HORMAD2: variants seen among roughly 807,000 people sequenced by gnomAD.
HORMAD2 encodes HORMA domain containing 2, also known as HORMA domain-containing protein 2.
HORMAD2 carries 45 observed loss-of-function variants against 38.8 expected under a neutral mutation model. That is an observed-to-expected ratio of 1.16 (90% confidence interval 0.91 to 1.49). The LOEUF (loss-of-function observed/expected upper bound fraction) is 1.49. Ranked by LOEUF, HORMAD2 falls within the 40% of genes most tolerant of loss-of-function variation. The probability of loss-of-function intolerance (pLI) is 0.00; values close to 1 mark genes in which losing one functional copy is unlikely to be tolerated. For synonymous variants in HORMAD2, 126 were observed against 122.8 expected (o/e 1.03, Z -0.17); for missense variants, 338 against 367.0 (o/e 0.92, Z 0.65).
chr22:30,080,281 C>A (rs370468943), upstream of HORMAD2: 1 of 152,416 alleles, frequency 6.6e-6, no homozygotes, highest in Non-Finnish European at 1.5e-5. Flanking sequence ...GGCTAGGGGC[C>A]GGCTAGCCGC....
downstream of HORMAD2, among the ~76,000 whole-genome samples, chr22:30,178,435 GGAA>G (rs1926571577): frequency 6.6e-6 from 1 of 152,214 alleles, no homozygotes. Flanking sequence ...GGGCACACAC[GGAA>G]GGAGATCTGT....
the HORMAD2 span, among the ~76,000 whole-genome samples, chr22:30,194,533 A>G: frequency 6.6e-6 from 1 of 152,234 alleles, no homozygotes; most frequent in Admixed American, 6.5e-5. Context: ...GAAAAAGGCC[A>G]GATTACTTTG....
chr22:30,151,862 G>A (rs1200775555), intron 10 of HORMAD2, among the ~76,000 whole-genome samples: 1 of 152,180 alleles, frequency 6.6e-6, no homozygotes, highest in African/African-American at 2.4e-5. Context: ...GATGCTTTGT[G>A]TCATTATCCT....
intron 10 of HORMAD2, among the ~76,000 whole-genome samples, chr22:30,166,531 A>G (rs1006700146): frequency 2.0e-5 from 3 of 152,242 alleles, no homozygotes; most frequent in African/African-American, 7.2e-5. Flanking sequence ...GTATGAATAA[A>G]TGTGTAACTG....
chr22:30,163,899 G>T (rs1213288537), intron 10 of HORMAD2, among the ~76,000 whole-genome samples: 2 of 152,028 alleles, frequency 1.3e-5, no homozygotes, highest in Non-Finnish European at 2.9e-5. Flanking sequence ...ATTTCCAGAA[G>T]TTTCTTCATC....
chr22:30,147,306 G>A (rs1023277021), intron 10 of HORMAD2, among the ~76,000 whole-genome samples: 2 of 152,084 alleles, frequency 1.3e-5, no homozygotes, highest in African/African-American at 4.8e-5. Context: ...AGAATGGAGA[G>A]TTCAGAAGTA....
At chr22:30,139,970 T>C (rs1474460366) in intron 10 of HORMAD2, among the ~76,000 whole-genome samples, 1 of 152,048 alleles carries the variant, frequency 6.6e-6, no homozygotes, top group Non-Finnish European at 1.5e-5. Context: ...TGTGTGTGTG[T>C]GTGTATTTAT....
intron 10 of HORMAD2, among the ~76,000 whole-genome samples, chr22:30,126,414 G>A (rs1240416975): frequency 1.3e-5 from 2 of 152,074 alleles, no homozygotes; most frequent in East Asian, 1.9e-4. Context: ...TGATCAGCCC[G>A]CCTCGGCCTG....
chr22:30,195,192 CA>C, the HORMAD2 span, among the ~76,000 whole-genome samples: 149 of 89,612 alleles, frequency 1.7e-3, no homozygotes, highest in East Asian at 3.8e-3. Flanking sequence ...GACTCCGTCT[CA>C]AAAAAAAAAA....
intron 7 of HORMAD2, among the ~76,000 whole-genome samples, chr22:30,113,597 AC>A (rs2146113260): frequency 6.6e-6 from 1 of 152,182 alleles, no homozygotes; most frequent in Non-Finnish European, 1.5e-5. Flanking sequence ...CATAATAGTT[AC>A]TTGTGCCACT....
upstream of HORMAD2, among the ~76,000 whole-genome samples, chr22:30,078,448 A>T (rs1431613445): frequency 6.6e-6 from 1 of 151,468 alleles, no homozygotes; most frequent in Non-Finnish European, 1.5e-5. Flanking sequence ...TCTACTAAAA[A>T]TACAAAAATC....
chr22:30,168,442 A>G (rs753589020), intron 10 of HORMAD2, among the ~76,000 whole-genome samples: 2 of 152,174 alleles, frequency 1.3e-5, no homozygotes, highest in Non-Finnish European at 2.9e-5. Context: ...GCTCCAGGTC[A>G]CATAGTCAAT....
intron 10 of HORMAD2, among the ~76,000 whole-genome samples, chr22:30,149,301 A>G (rs1324481785): frequency 6.6e-6 from 1 of 152,190 alleles, no homozygotes; most frequent in Non-Finnish European, 1.5e-5. Flanking sequence ...ACTGCCCAAA[A>G]TGGTAGCCAC....
At chr22:30,164,536 A>T (rs1000612307) in intron 10 of HORMAD2, among the ~76,000 whole-genome samples, 3 of 152,220 alleles carry the variant, frequency 2.0e-5, no homozygotes, top group Non-Finnish European at 4.4e-5. Flanking sequence ...TTTAATTTGC[A>T]TCTCTGATGA....
intron 7 of HORMAD2, among the ~76,000 whole-genome samples, chr22:30,113,927 G>A (rs1921852628): frequency 6.6e-6 from 1 of 152,080 alleles, no homozygotes; most frequent in South Asian, 2.1e-4. Context: ...ATTTCAAAAT[G>A]GTTCCCCACC....
chr22:30,117,711 A>G (rs1246834240), intron 7 of HORMAD2, among the ~76,000 whole-genome samples: 1 of 152,016 alleles, frequency 6.6e-6, no homozygotes, highest in Non-Finnish European at 1.5e-5. Flanking sequence ...GTTTTCCCAC[A>G]TTGGCCAGGC....
intron 1 of HORMAD2, among the ~76,000 whole-genome samples, chr22:30,082,463 T>C (rs1191575080): frequency 6.6e-6 from 1 of 151,446 alleles, no homozygotes; most frequent in Non-Finnish European, 1.5e-5. Flanking sequence ...ATAGTAGGGG[T>C]AAAATAGGAA....
chr22:30,119,609 G>A (rs1023105883), intron 8 of HORMAD2, among the ~76,000 whole-genome samples: 23 of 152,160 alleles, frequency 1.5e-4, no homozygotes, highest in Admixed American at 1.4e-3. Context: ...GAAGAGCAAC[G>A]TTTATTTTTC....
At chr22:30,106,500 A>T (rs1485001164) in intron 5 of HORMAD2, among the ~76,000 whole-genome samples, 1 of 152,128 alleles carries the variant, frequency 6.6e-6, no homozygotes, top group African/African-American at 2.4e-5. Flanking sequence ...TTTGAGAGAA[A>T]ATAGCCTCTG....
Sources: allele counts gnomAD v4.1 joint callset (sites outside exome capture counted in the v4.1 genomes callset), GRCh38; gene constraint gnomAD v4.1.1; transcripts MANE v1.5; gene names NCBI Gene and HGNC (gene_info 2026-07-23, HGNC 2026-07-21).